EGR4: variants seen among roughly 807,000 people sequenced by gnomAD.
The protein encoded by EGR4 is early growth response 4.
A neutral mutation model predicts 25.4 loss-of-function variants in EGR4; 22 were observed. That is an observed-to-expected ratio of 0.87 (90% CI 0.62 to 1.24). The LOEUF is 1.24. Among genes scored for constraint, EGR4 ranks in the 50% most tolerant of loss-of-function variants. The pLI is 0.00. For synonymous variants in EGR4, 375 were observed against 320.1 expected (o/e 1.17, Z -1.83); for missense variants, 742 against 702.9 (o/e 1.06, Z -0.63).
Position 73,292,633 on chromosome 2 carries a change from C to A in EGR4, c.285G>T (p.Pro95=). 1.3e-6 allele frequency: 2 copies of A among 1,545,428 alleles called. No homozygotes were observed. Among genetic ancestry groups the A allele is most frequent in the South Asian group, 1.2e-5 (1 of 80,456 alleles). The change falls in exon 2 of 2, where the codon CCG becomes CCT. Residue 95 remains proline (P), a synonymous_variant. Transcript: ENST00000436467. ...GGTTGAAGAGTGCCTCCGGGTCGTG[C>A]GGGTGTTCGGGCACTGCCTGAATGA... ...SFFIQAVPEH[P]HDPEALFNLM...
At position 73,291,232 on chromosome 2, in the gene EGR4, C is replaced by T. The variant is rs577765511; in HGVS notation, c.*225G>A. ...CTGGGTGGTCTCAGAAGACTTCCCC[C>T]AAAGCGCGGCTGACAAGGGTGACAG... On this transcript the variant is annotated 3_prime_UTR_variant, in exon 2 of 2. Transcript: ENST00000436467. The T allele has an allele frequency of 3.8e-5, 23 of 606,662 alleles. No homozygotes were observed. The highest frequency in any genetic ancestry group is 6.1e-5 in the Non-Finnish European group (22 of 358,910). The allele number at this position is 606,662 out of a possible 1,614,324, so 37.6% of individuals were successfully genotyped here. A position where few individuals can be genotyped will look rare whatever the true frequency, so the allele number is the denominator to read the frequency against.
chr2:73,291,740 C>A lies in EGR4; in HGVS notation c.1178G>T (p.Arg393Leu), dbSNP rs1689105804. 1 of 1,602,882 alleles carries A rather than the reference C, an allele frequency of 6.2e-7. No homozygotes were observed. Among genetic ancestry groups the A allele is most frequent in the South Asian group, 1.1e-5 (1 of 91,060 alleles). ...PVESCVRSFA[R>L]SDELNRHLRI... ...CAGGTGGCGATTGAGCTCGTCGGAG[C>A]GCGCAAAGCTCCGCACACAACTCTC... The change falls in exon 2 of 2, where the codon CGC becomes CTC. Residue 393 changes from arginine to leucine, a missense_variant. By Grantham distance (102) the Arg-to-Leu change is moderately radical. Transcript: ENST00000436467.
Position 73,292,753 on chromosome 2 carries a change from G to A in EGR4, c.165C>T (p.Asn55=), listed in dbSNP as rs1312056957. ...GAGDFLSWAL[N]SCGASGDLAD... is the part of the protein sequence containing the mutation. Reference sequence around the variant, plus strand: ...CTAAGTCCCCACTTGCGCCGCAGCTGTTCAAAGCCCAGCTCAAGAAGTCGC... The same window carrying A: ...CTAAGTCCCCACTTGCGCCGCAGCTATTCAAAGCCCAGCTCAAGAAGTCGC... The change falls in exon 2 of 2, where the codon AAC becomes AAT. Residue 55 remains asparagine (N), a synonymous_variant. Transcript: ENST00000436467. The A allele has an allele frequency of 6.8e-7, 1 of 1,463,382 alleles. No individual in the cohort carries two copies. The highest frequency in any genetic ancestry group is 9.0e-7 in the Non-Finnish European group (1 of 1,105,564). The allele number at this position is 1,463,382 out of a possible 1,614,324, so 90.6% of individuals were successfully genotyped here.
rs1689148344 is a variant in EGR4 at position 73,293,299 on chromosome 2, A to T, written c.19T>A (p.Phe7Ile). 3.1e-6 allele frequency: 5 copies of T among 1,587,794 alleles called. No individual in the cohort carries two copies. The East Asian group carries it at 1.2e-4, about 37-fold the overall frequency. Residue 7 changes from phenylalanine to isoleucine, a missense_variant, in exon 1 of 2, where the codon TTT becomes ATT. By Grantham distance (21) the Phe-to-Ile change is conservative. Coordinates refer to ENST00000436467, the MANE Select transcript of EGR4 (RefSeq NM_001965.4). ...ACGAGGAGCGCGTCGGGTTCGGAAA[A>T]CTCGCTAAGGTGGAGCATGGCGCGG... is the stretch of plus-strand genomic sequence containing the variant. MLHLSE[F>I]SEPDALLVKS... is the part of the protein sequence containing the mutation.
rs747182504 is a variant in EGR4, at chr2:73,291,979, C to T, written c.939G>A (p.Pro313=). 7 of 1,598,298 alleles carry T rather than the reference C, an allele frequency of 4.4e-6. No individual in the cohort carries two copies. In the South Asian group the frequency reaches 4.5e-5, roughly 10 times the overall value. ...FLASTQPQLS[P]LGLRSAAAAD... ...CCGCGGCGGCGCTGCGAAGGCCCAG[C>T]GGGGAAAGCTGAGGCTGCGTACTGG... Residue 313 remains proline, a synonymous_variant, in exon 2 of 2, where the codon CCG becomes CCA. Transcript: ENST00000436467.
chr2:73,292,912 G>T, intron 1 of EGR4, 131 bp from the exon 2 acceptor site: 1 of 1,118,186 alleles, frequency 8.9e-7, no homozygotes, highest in Non-Finnish European at 1.2e-6. Context: ...TTCAGCAGGG[G>T]CCCGCATACG....
Position 73,292,432 on chromosome 2 carries a change from C to A in EGR4, c.486G>T (p.Ser162=). 6.7e-7 allele frequency: 1 copy of A among 1,496,178 alleles called. No individual in the cohort carries two copies. Among genetic ancestry groups the A allele is most frequent in the Non-Finnish European group, 8.9e-7 (1 of 1,123,980 alleles). 92.7% of individuals were successfully genotyped at this position (1,496,178 alleles called of 1,614,324 possible). A position where few individuals can be genotyped will look rare whatever the true frequency, so the allele number is the denominator to read the frequency against. The change falls in exon 2 of 2, where the codon TCG becomes TCT. Residue 162 remains serine (S), a synonymous_variant. Transcript: ENST00000436467. ...ACTGCGAGGGGGCACCCGCGCAAGGCGAGGCCTCCCAGAACGCCTCTGGGA... is the reference window on the plus strand; with the variant it reads ...ACTGCGAGGGGGCACCCGCGCAAGGAGAGGCCTCCCAGAACGCCTCTGGGA... ...APFPEAFWEA[S]PCAGAPSQCL...
At chr2:73,293,039 G>T in intron 1 of EGR4, 143 bp downstream of exon 1, 2 of 944,890 alleles carry the variant, frequency 2.1e-6, no homozygotes, top group Non-Finnish European at 2.9e-6. Context: ...GGGTGGGAAT[G>T]GGGGTGCGCA....
Position 73,293,510 on chromosome 2 carries a change from G to A in EGR4, c.-193C>T. Reference sequence around the variant, plus strand: ...CCCTCGCTCGCCCGCACCGGCCTCGGGCGGCGGCTCCTCGCCTCTCCAAAG... The same window carrying A: ...CCCTCGCTCGCCCGCACCGGCCTCGAGCGGCGGCTCCTCGCCTCTCCAAAG... On this transcript the variant is annotated 5_prime_UTR_variant, in exon 1 of 2. Coordinates refer to ENST00000436467, the MANE Select transcript of EGR4 (RefSeq NM_001965.4). 1 of 1,499,380 alleles carries A rather than the reference G, an allele frequency of 6.7e-7. No individual in the cohort carries two copies. Among genetic ancestry groups the A allele is most frequent in the Non-Finnish European group, 8.9e-7 (1 of 1,128,096 alleles). 92.9% of individuals were successfully genotyped at this position (1,499,380 alleles called of 1,614,324 possible).
At position 73,292,512 on chromosome 2, in the gene EGR4, C is replaced by T. The variant is rs1005137660; in HGVS notation, c.406G>A (p.Ala136Thr). 6.6e-7 allele frequency: 1 copy of T among 1,517,976 alleles called. No homozygotes were observed. The highest frequency in any genetic ancestry group is 1.3e-5 in the South Asian group (1 of 74,750). 94.0% of individuals were successfully genotyped at this position (1,517,976 alleles called of 1,614,324 possible). A position where few individuals can be genotyped will look rare whatever the true frequency, so the allele number is the denominator to read the frequency against. The change falls in exon 2 of 2, where the codon GCC becomes ACC. Residue 136 changes from alanine to threonine, a missense_variant. Coordinates refer to ENST00000436467, the MANE Select transcript of EGR4 (RefSeq NM_001965.4). The stretch of plus-strand genomic sequence containing the variant: ...AGGTCCGGCGGACCCGGCAGCAAGG[C>T]ATCGGACCCCGCAGGAAAAGGGGCA... The part of the protein sequence containing the change: ...LDAPFPAGSD[A>T]LLPGPPDLYS...
In EGR4 at chr2:73,291,562, C is replaced by T. The variant is rs778687170; in HGVS notation, c.1356G>A (p.Glu452=). The T allele has an allele frequency of 5.6e-6, 9 of 1,613,434 alleles. No homozygotes were observed. In the Admixed American group the frequency reaches 1.5e-4, roughly 27 times the overall value. The change falls in exon 2 of 2, where the codon GAG becomes GAA. Residue 452 remains glutamate, a synonymous_variant. Coordinates refer to ENST00000436467, the MANE Select transcript of EGR4 (RefSeq NM_001965.4). ...VCGRRFARSD[E]KKRHSKVHLK... ...GGTGCACCTTGCTGTGCCGTTTCTT[C>T]TCATCGCTGCGCGCGAAGCGGCGGC...
At position 73,290,988 on chromosome 2, in the gene EGR4, A is replaced by C. The variant is rs1689083209; in HGVS notation, c.*469T>G. 1 of 161,384 alleles carries C rather than the reference A, an allele frequency of 6.2e-6. No individual in the cohort carries two copies. Among genetic ancestry groups the C allele is most frequent in the African/African-American group, 2.4e-5 (1 of 41,824 alleles). 10.0% of individuals were successfully genotyped at this position (161,384 alleles called of 1,614,324 possible). On this transcript the variant is annotated 3_prime_UTR_variant, in exon 2 of 2. Transcript: ENST00000436467. ...TAAACAGTTTTGTCAACTGCTTGAG[A>C]GTAGCGTCTGCTTTACAAAAATTAA...
In EGR4 at chr2:73,292,267, C is replaced by A; in HGVS notation, c.651G>T (p.Gly217=). The A allele has an allele frequency of 6.2e-7, 1 of 1,610,558 alleles. No individual in the cohort carries two copies. Among genetic ancestry groups the A allele is most frequent in the South Asian group, 1.1e-5 (1 of 90,660 alleles). The part of the protein sequence containing the change: ...PWELLSVGAP[G]NCGSQGDYQA... ...GGTAGTCTCCCTGTGACCCACAGTT[C>A]CCTGGGGCCCCCACAGAAAGCAGCT... The change falls in exon 2 of 2, where the codon GGG becomes GGT. Residue 217 remains glycine (G), a synonymous_variant. Transcript: ENST00000436467.
In EGR4 at chr2:73,292,432, C is replaced by G; in HGVS notation, c.486G>C (p.Ser162=). The G allele has an allele frequency of 1.3e-6, 2 of 1,496,178 alleles. No homozygotes were observed. The highest frequency in any genetic ancestry group is 1.8e-6 in the Non-Finnish European group (2 of 1,123,980). 92.7% of individuals were successfully genotyped at this position (1,496,178 alleles called of 1,614,324 possible). A position where few individuals can be genotyped will look rare whatever the true frequency, so the allele number is the denominator to read the frequency against. Residue 162 remains serine, a synonymous_variant, in exon 2 of 2, where the codon TCG becomes TCC. Transcript: ENST00000436467. ...APFPEAFWEA[S]PCAGAPSQCL... ...ACTGCGAGGGGGCACCCGCGCAAGG[C>G]GAGGCCTCCCAGAACGCCTCTGGGA...
At position 73,293,396 on chromosome 2, in the gene EGR4, TAGGGG is replaced by T. The variant is rs1689152512; in HGVS notation, c.-84_-80del. On this transcript the variant is annotated 5_prime_UTR_variant, in exon 1 of 2. Coordinates refer to ENST00000436467, the MANE Select transcript of EGR4 (RefSeq NM_001965.4). Reference sequence around the variant, plus strand: ...GCGCGGGTGGCGGGGAGGCTGGCGGTAGGGGTTCCCCGCAGCGCACAGACCTAGGC... The same window carrying T: ...GCGCGGGTGGCGGGGAGGCTGGCGGTTTCCCCGCAGCGCACAGACCTAGGC... The T allele has an allele frequency of 4.0e-6, 6 of 1,506,244 alleles. No individual in the cohort carries two copies. Among genetic ancestry groups the T allele is most frequent in the Non-Finnish European group, 5.3e-6 (6 of 1,129,506 alleles). The allele number at this position is 1,506,244 out of a possible 1,614,324, so 93.3% of individuals were successfully genotyped here.
At position 73,291,323 on chromosome 2, in the gene EGR4, A is replaced by G. The variant is rs1558598990; in HGVS notation, c.*134T>C. On this transcript the variant is annotated 3_prime_UTR_variant, in exon 2 of 2. Transcript: ENST00000436467. ...TAGGGCGTGTGCGGCGGGCGCTTCA[A>G]GGAAACTGGAAGCGGGACCGGAGGC... The G allele has an allele frequency of 2.3e-6, 3 of 1,318,508 alleles. No homozygotes were observed. The highest frequency in any genetic ancestry group is 2.6e-5 in the Admixed American group (1 of 38,224). 81.7% of individuals were successfully genotyped at this position (1,318,508 alleles called of 1,614,324 possible). A position where few individuals can be genotyped will look rare whatever the true frequency, so the allele number is the denominator to read the frequency against.
chr2:73,293,480 C>T lies in EGR4; in HGVS notation c.-163G>A, dbSNP rs1437304067. 1.0e-5 allele frequency: 15 copies of T among 1,506,588 alleles called. No individual in the cohort carries two copies. In the East Asian group the frequency reaches 2.2e-4, roughly 22 times the overall value. 93.3% of individuals were successfully genotyped at this position (1,506,588 alleles called of 1,614,324 possible). A position where few individuals can be genotyped will look rare whatever the true frequency, so the allele number is the denominator to read the frequency against. On this transcript the variant is annotated 5_prime_UTR_variant, in exon 1 of 2. Transcript: ENST00000436467. Reference sequence around the variant, plus strand: ...CTCTGGGAAAGGAGTCGGGGAGCCGCGGCGCCCTCGCTCGCCCGCACCGGC... The same window carrying T: ...CTCTGGGAAAGGAGTCGGGGAGCCGTGGCGCCCTCGCTCGCCCGCACCGGC...
In EGR4 at chr2:73,292,586, A is replaced by G; in HGVS notation, c.332T>C (p.Leu111Pro). Residue 111 changes from leucine (L) to proline (P), a missense_variant, in exon 2 of 2, where the codon CTG (leucine) becomes CCG (proline). Coordinates refer to ENST00000436467, the MANE Select transcript of EGR4 (RefSeq NM_001965.4). The stretch of plus-strand genomic sequence containing the variant: ...TGCCTCTGGACCGGGGAAGGGTGCC[A>G]GGCCTAAGATGCCCGACATGAGGTT... Reference protein sequence around the residue: ...LFNLMSGILGLAPFPGPEAAA... With the variant: ...LFNLMSGILGPAPFPGPEAAA... 1 of 1,512,258 alleles carries G rather than the reference A, an allele frequency of 6.6e-7. No individual in the cohort carries two copies. Among genetic ancestry groups the G allele is most frequent in the Non-Finnish European group, 8.8e-7 (1 of 1,130,418 alleles). The allele number at this position is 1,512,258 out of a possible 1,614,324, so 93.7% of individuals were successfully genotyped here.
rs999122801 is a variant in EGR4 at position 73,291,894 on chromosome 2, G to A, written c.1024C>T (p.Pro342Ser). 5 of 1,574,324 alleles carry A rather than the reference G, an allele frequency of 3.2e-6. No homozygotes were observed. Among genetic ancestry groups the A allele is most frequent in the Non-Finnish European group, 4.3e-6 (5 of 1,162,522 alleles). ...IPGSSGVAAP[P>S]VPPPPPTPFP... ...GGGGTGGGCGGCGGCGGCGGCACGG[G>A]TGGTGCAGCCACGCCACTGCTTCCA... The change falls in exon 2 of 2, where the codon CCC (proline) becomes TCC (serine). Residue 342 changes from proline to serine, a missense_variant. Pro to Ser is a moderately conservative substitution (Grantham distance 74). Coordinates refer to ENST00000436467, the MANE Select transcript of EGR4 (RefSeq NM_001965.4).
Sources: allele counts gnomAD v4.1 joint callset, GRCh38; gene constraint gnomAD v4.1.1; transcripts MANE v1.5; gene names NCBI Gene and HGNC (gene_info 2026-07-23, HGNC 2026-07-21).